PMEPA1: variants seen among roughly 807,000 people sequenced by gnomAD.
PMEPA1 encodes prostate transmembrane protein, androgen induced 1.
Under a neutral mutation model 23.0 loss-of-function variants are expected in PMEPA1, and 11 were observed. The ratio of observed to expected loss-of-function variants is 0.48; its 90% CI spans 0.30 to 0.79. The LOEUF is 0.79. Among genes scored for constraint, PMEPA1 ranks in the 30% least tolerant of loss-of-function variants. The probability of loss-of-function intolerance (pLI) is 0.06; values close to 1 mark genes in which losing one functional copy is unlikely to be tolerated. For missense variants in PMEPA1, 377 were observed against 390.9 expected, an observed-to-expected ratio of 0.96 and a Z score of 0.30; for synonymous variants, 204 against 166.4, an observed-to-expected ratio of 1.23 and a Z score of -1.74.
At chr20:57,700,921 T>C (rs1293473908) in intron 1 of PMEPA1, among the ~76,000 whole-genome samples, 3 of 151,888 alleles carry the variant, frequency 2.0e-5, no homozygotes, top group African/African-American at 7.3e-5. Context: ...TCCCAGCTAC[T>C]TGGGAGACTG....
Position 57,656,778 on chromosome 20 carries a change from A to AC in PMEPA1, c.264+2764dup. ...CTTGTCTCCATACAGGCAAGAGGGGACCCCCAGGGTCACCCTGAAAAGGGG... is the reference window on the plus strand; with the variant it reads ...CTTGTCTCCATACAGGCAAGAGGGGACCCCCCAGGGTCACCCTGAAAAGGGG... On this transcript the variant is annotated intron_variant, in intron 2 of 3. Transcript: ENST00000341744. The surrounding 1 kb of genome is among the most constrained non-coding windows in gnomAD (Gnocchi z 4.7). Among the ~76,000 whole-genome samples, 1 of 151,830 alleles carries AC rather than the reference A, an allele frequency of 6.6e-6. No individual in the cohort carries two copies. The highest frequency in any genetic ancestry group is 3.4e-3 in the Middle Eastern group (1 of 290).
In PMEPA1 at chr20:57,659,711, G is replaced by A; in HGVS notation, c.110-14C>T. On this transcript the variant is annotated splice_polypyrimidine_tract_variant and intron_variant, in intron 1 of 3. Coordinates refer to ENST00000341744, the MANE Select transcript of PMEPA1 (RefSeq NM_020182.5). ...ACTCCAGCTCCGCTGTGGAGACAAA[G>A]AGGGACACGTGAGACCCTGGACACC... 1 of 1,559,824 alleles carries A rather than the reference G, an allele frequency of 6.4e-7. No individual in the cohort carries two copies. The highest frequency in any genetic ancestry group is 8.7e-7 in the Non-Finnish European group (1 of 1,151,990).
chr20:57,676,948 C>G (rs2071645198), intron 1 of PMEPA1, among the ~76,000 whole-genome samples: 2 of 152,260 alleles, frequency 1.3e-5, no homozygotes, highest in African/African-American at 4.8e-5. Context: ...ACTTCCCACA[C>G]TATGCTCAGG....
At position 57,652,379 on chromosome 20, in the gene PMEPA1, G is replaced by A. The variant is rs373391782; in HGVS notation, c.538C>T (p.Arg180Trp). 14 of 1,613,676 alleles carry A rather than the reference G, an allele frequency of 8.7e-6. No individual in the cohort carries two copies. The highest frequency in any genetic ancestry group is 1.1e-5 in the Non-Finnish European group (13 of 1,179,916). Residue 180 changes from arginine to tryptophan, a missense_variant, in exon 4 of 4, where the codon CGG (arginine) becomes TGG (tryptophan). Physicochemically the swap from Arg to Trp is moderately radical, Grantham distance 101. Coordinates refer to ENST00000341744, the MANE Select transcript of PMEPA1 (RefSeq NM_020182.5). This position sits in a 1 kb window ranked among gnomAD's most constrained non-coding sequence, Gnocchi z 6.1. ...TTTGGGGGTGCGCGCACCGACTCCCGGTTCAGTTCCAGCTGCTGCTCGGGG... is the reference window on the plus strand; with the variant it reads ...TTTGGGGGTGCGCGCACCGACTCCCAGTTCAGTTCCAGCTGCTGCTCGGGG... ...RDPEQQLELN[R>W]ESVRAPPNRT...
In PMEPA1 at chr20:57,652,647, T is replaced by C. The variant is rs752236174; in HGVS notation, c.319-49A>G. On this transcript the variant is annotated intron_variant, in intron 3 of 3. Transcript: ENST00000341744. The surrounding 1 kb of genome is among the most constrained non-coding windows in gnomAD (Gnocchi z 6.1). ...AGGGAGGGCGGCTGTCTCAGGTGGG[T>C]TGTCCAGAAGCGATCCTGAGACTGG... 1.2e-4 allele frequency: 165 copies of C among 1,394,078 alleles called. No homozygotes were observed. The highest frequency in any genetic ancestry group is 1.5e-4 in the Non-Finnish European group (157 of 1,058,748). 86.4% of individuals were successfully genotyped at this position (1,394,078 alleles called of 1,614,324 possible).
At position 57,691,429 on chromosome 20, in the gene PMEPA1, G is replaced by C. The variant is rs924342258; in HGVS notation, c.109+18045C>G. 4.1e-4 allele frequency among the ~76,000 whole-genome samples: 62 copies of C among 152,158 alleles called. 1 individual carries two copies. Among genetic ancestry groups the C allele is most frequent in the Non-Finnish European group, 4.4e-5 (3 of 68,010 alleles). On this transcript the variant is annotated intron_variant, in intron 1 of 3. Coordinates refer to ENST00000341744, the MANE Select transcript of PMEPA1 (RefSeq NM_020182.5). ...AGACCGAGGACCAGTCAAGGCCCCA[G>C]ACTGACTGAGAGTTGAATCACAGTC... is the stretch of plus-strand genomic sequence containing the variant.
intron 1 of PMEPA1, among the ~76,000 whole-genome samples, chr20:57,684,302 G>T (rs574558327): frequency 1.3e-5 from 2 of 152,294 alleles, no homozygotes; most frequent in East Asian, 3.9e-4. Context: ...TAGCTGGGAG[G>T]GGGGCAGGGT....
rs1297368136 is a variant in PMEPA1 at position 57,709,799 on chromosome 20, G to A, written c.-217C>T. 4.1e-6 allele frequency: 4 copies of A among 983,012 alleles called. No homozygotes were observed. Among genetic ancestry groups the A allele is most frequent in the Non-Finnish European group, 2.4e-6 (2 of 828,928 alleles). The allele number at this position is 983,012 out of a possible 1,614,324, so 60.9% of individuals were successfully genotyped here. A position where few individuals can be genotyped will look rare whatever the true frequency, so the allele number is the denominator to read the frequency against. On this transcript the variant is annotated 5_prime_UTR_variant, in exon 1 of 4. Coordinates refer to ENST00000341744, the MANE Select transcript of PMEPA1 (RefSeq NM_020182.5). The stretch of plus-strand genomic sequence containing the variant: ...GCTGCGCCCCCCCGGCCTCCCCTCG[G>A]CAGCCCCGGGGGCGTCGGCAGTGCC...
chr20:57,682,691 G>T lies in PMEPA1; in HGVS notation c.110-22994C>A, dbSNP rs962534466. On this transcript the variant is annotated intron_variant, in intron 1 of 3. Transcript: ENST00000341744. The surrounding 1 kb of genome is among the most constrained non-coding windows in gnomAD (Gnocchi z 4.4). ...ATCCCTGAAACAGCACCCACTCCCT[G>T]TCAAGTCTGTGTCCCCATCGCCAGC... Among the ~76,000 whole-genome samples the T allele has an allele frequency of 1.3e-5, 2 of 152,160 alleles. No individual in the cohort carries two copies. Among genetic ancestry groups the T allele is most frequent in the African/African-American group, 4.8e-5 (2 of 41,428 alleles).
At chr20:57,671,209 C>T (rs2071563188) in intron 1 of PMEPA1, among the ~76,000 whole-genome samples, 1 of 152,186 alleles carries the variant, frequency 6.6e-6, no homozygotes, top group Admixed American at 6.5e-5. Context: ...AAATATCAGT[C>T]ACCGTTTGAA....
intron 1 of PMEPA1, among the ~76,000 whole-genome samples, chr20:57,664,051 G>A (rs569996856): frequency 6.6e-6 from 1 of 152,354 alleles, no homozygotes; most frequent in African/African-American, 2.4e-5. Context: ...CAGCTTTAGG[G>A]GACAGGAATG....
chr20:57,658,449 C>T (rs1240277765), intron 2 of PMEPA1, among the ~76,000 whole-genome samples: 2 of 152,230 alleles, frequency 1.3e-5, no homozygotes, highest in Admixed American at 6.5e-5. Flanking sequence ...CCCCCTGGGA[C>T]TGGCTCACAG....
chr20:57,693,392 G>C (rs2071907352), intron 1 of PMEPA1, among the ~76,000 whole-genome samples: 1 of 152,168 alleles, frequency 6.6e-6, no homozygotes, highest in Admixed American at 6.5e-5. Flanking sequence ...CAGGATCCGA[G>C]ACCTGCATCC....
At chr20:57,686,848 G>A (rs1879356798) in intron 1 of PMEPA1, among the ~76,000 whole-genome samples, 1 of 152,190 alleles carries the variant, frequency 6.6e-6, no homozygotes. Flanking sequence ...TCAGGCTTAG[G>A]ATCCCCACCA....
intron 1 of PMEPA1, among the ~76,000 whole-genome samples, chr20:57,675,794 G>A (rs2146673690): frequency 6.6e-6 from 1 of 152,290 alleles, no homozygotes; most frequent in East Asian, 1.9e-4. Context: ...CTTTCCTCTG[G>A]GGCATCTGTC....
intron 1 of PMEPA1, among the ~76,000 whole-genome samples, chr20:57,680,183 T>C (rs1412154416): frequency 6.6e-6 from 1 of 152,236 alleles, no homozygotes; most frequent in Non-Finnish European, 1.5e-5. Flanking sequence ...CTGCAGCCAC[T>C]CCAGCTTTAG....
rs6128125 is a variant in PMEPA1 at position 57,683,570 on chromosome 20, T to C, written c.110-23873A>G. ...GCCTGTGTGCGTGTGTGTGTGTGTG[T>C]GTGTGTGTGTGTGTTTCTTTTAAAA... On this transcript the variant is annotated intron_variant, in intron 1 of 3. Transcript: ENST00000341744. This position sits in a 1 kb window ranked among gnomAD's most constrained non-coding sequence, Gnocchi z 4.3. 9.9e-5 allele frequency among the ~76,000 whole-genome samples: 13 copies of C among 130,996 alleles called. No homozygotes were observed. Among genetic ancestry groups the C allele is most frequent in the South Asian group, 4.4e-4 (2 of 4,550 alleles). The allele number at this position is 130,996 out of a possible 152,430, so 85.9% of individuals were successfully genotyped here.
rs565397365 is a variant in PMEPA1 at position 57,683,277 on chromosome 20, G to C, written c.110-23580C>G. Among the ~76,000 whole-genome samples the C allele has an allele frequency of 6.6e-6, 1 of 152,330 alleles. No individual in the cohort carries two copies. Among genetic ancestry groups the C allele is most frequent in the South Asian group, 2.1e-4 (1 of 4,824 alleles). On this transcript the variant is annotated intron_variant, in intron 1 of 3. Transcript: ENST00000341744. The surrounding 1 kb of genome is among the most constrained non-coding windows in gnomAD (Gnocchi z 4.3). ...AGGGTGCGTTTTTGATGTGCTGAGAGAGGCCAGTTTTTGGAGGGAAACATC... is the reference window on the plus strand; with the variant it reads ...AGGGTGCGTTTTTGATGTGCTGAGACAGGCCAGTTTTTGGAGGGAAACATC...
chr20:57,665,554 G>A (rs150339266), intron 1 of PMEPA1, among the ~76,000 whole-genome samples: 73 of 151,058 alleles, frequency 4.8e-4, no homozygotes, highest in Non-Finnish European at 8.2e-4. Context: ...GTGAAATAAT[G>A]GATGCGAGAG....
Sources: gnomAD v4.1 joint callset for allele counts (sites outside exome capture counted in the v4.1 genomes callset) on GRCh38, gnomAD v4.1.1 for gene constraint, Gnocchi (gnomAD v3.1) non-coding constraint, MANE v1.5 for transcripts, NCBI Gene and HGNC (gene_info 2026-07-23, HGNC 2026-07-21) for gene names.